The following CDH13 variants were observed in gnomAD, a reference collection of about 807,000 sequenced individuals.
The protein encoded by CDH13 is cadherin-13.
CDH13 carries 24 observed loss-of-function variants against 63.8 expected under a neutral mutation model. The ratio of observed to expected loss-of-function variants is 0.38; its 90% CI spans 0.27 to 0.53. The LOEUF is 0.53. CDH13 is among the 20% of genes least tolerant of loss of function. The pLI is 0.85. For synonymous variants in CDH13, 503 were observed against 355.3 expected (o/e 1.42, Z -4.67); for missense variants, 1,049 against 903.1 (o/e 1.16, Z -2.07).
intron 1 of CDH13, among the ~76,000 whole-genome samples, chr16:82,628,852 C>T (rs989341771): frequency 1.3e-5 from 2 of 152,210 alleles, no homozygotes; most frequent in Admixed American, 6.5e-5. Context: ...GCTAGTGGTA[C>T]CAACCCGGGC....
At chr16:83,643,296 A>G (rs866943726) in intron 8 of CDH13, among the ~76,000 whole-genome samples, 3 of 77,672 alleles carry the variant, frequency 3.9e-5, no homozygotes, top group Non-Finnish European at 7.7e-5. Context: ...AAAAAAAAAA[A>G]AAAAAGAAAA....
intron 13 of CDH13, among the ~76,000 whole-genome samples, chr16:83,790,678 C>G (rs572598995): frequency 4.7e-4 from 71 of 152,320 alleles, no homozygotes; most frequent in South Asian, 1.2e-3. Flanking sequence ...GCTGGGATTA[C>G]AGGCGTGAGC....
At chr16:83,744,999 C>A (rs1912438859) in intron 10 of CDH13, among the ~76,000 whole-genome samples, 1 of 152,166 alleles carries the variant, frequency 6.6e-6, no homozygotes, top group Admixed American at 6.5e-5. Context: ...AGCCAATGAT[C>A]TTGGCAAAGT....
intron 10 of CDH13, among the ~76,000 whole-genome samples, chr16:83,699,200 C>G (rs1905843421): frequency 6.6e-6 from 1 of 152,200 alleles, no homozygotes. Context: ...GAAAGGTGAC[C>G]TAAGCCCCAG....
chr16:83,755,632 A>T (rs1024694635), intron 11 of CDH13, among the ~76,000 whole-genome samples: 17 of 152,184 alleles, frequency 1.1e-4, no homozygotes, highest in African/African-American at 4.1e-4. Flanking sequence ...AAATAATGGA[A>T]TGTGGAAGGC....
intron 3 of CDH13, among the ~76,000 whole-genome samples, chr16:83,102,751 G>C (rs12927946): frequency 0.4 from 61,113 of 151,608 alleles, 12,506 homozygotes; most frequent in Middle Eastern, 0.61. Context: ...TTGGCTTGGA[G>C]CAAGGTGGTG....
intron 1 of CDH13, among the ~76,000 whole-genome samples, chr16:82,842,145 T>TATATATATATATAC (rs2039055767): frequency 1.1e-4 from 3 of 27,594 alleles, no homozygotes; most frequent in African/African-American, 3.5e-4. Flanking sequence ...TATACACATA[T>TATATATATATATAC]ATATATATAT....
At chr16:83,016,697 A>G (rs1914833361) in intron 2 of CDH13, among the ~76,000 whole-genome samples, 1 of 152,100 alleles carries the variant, frequency 6.6e-6, no homozygotes, top group Non-Finnish European at 1.5e-5. Context: ...CTACCCTGCC[A>G]TCTAGAAACA....
chr16:83,475,231 A>G (rs1009408143), intron 6 of CDH13, among the ~76,000 whole-genome samples: 1 of 152,230 alleles, frequency 6.6e-6, no homozygotes, highest in Non-Finnish European at 1.5e-5. Flanking sequence ...CATGAAGTCC[A>G]CCTGCTCTTG....
intron 1 of CDH13, among the ~76,000 whole-genome samples, chr16:82,788,192 C>T (rs1051885958): frequency 1.3e-5 from 2 of 152,114 alleles, no homozygotes; most frequent in African/African-American, 4.8e-5. Context: ...AGGAAAAAAA[C>T]AAAGTGAGGA....
At chr16:83,245,118 C>CA (rs34319502) in intron 5 of CDH13, among the ~76,000 whole-genome samples, 40,489 of 143,820 alleles carry the variant, frequency 0.28, 5,677 homozygotes, top group Non-Finnish European at 0.32. Flanking sequence ...GGATAGTATG[C>CA]AAAAAAAAAA....
chr16:83,151,296 A>C (rs2036969564), intron 4 of CDH13, among the ~76,000 whole-genome samples: 1 of 152,204 alleles, frequency 6.6e-6, no homozygotes, highest in Non-Finnish European at 1.5e-5. Flanking sequence ...GGCATGCTTT[A>C]ATGAAGATTT....
intron 1 of CDH13, among the ~76,000 whole-genome samples, chr16:82,728,782 T>C (rs947980093): frequency 8.5e-5 from 13 of 152,308 alleles, no homozygotes; most frequent in African/African-American, 1.7e-4. Context: ...AAAAATTTTG[T>C]ATAGCATGTG....
At chr16:83,567,411 C>T (rs1904292321) in intron 7 of CDH13, among the ~76,000 whole-genome samples, 2 of 152,180 alleles carry the variant, frequency 1.3e-5, no homozygotes, top group South Asian at 4.1e-4. Flanking sequence ...CAAATATCTG[C>T]ATGTACGAGT....
chr16:82,661,389 A>G (rs1411788394), intron 1 of CDH13, among the ~76,000 whole-genome samples: 1 of 152,210 alleles, frequency 6.6e-6, no homozygotes, highest in Admixed American at 6.5e-5. Context: ...AAATAGACTT[A>G]AATATTGTTT....
intron 2 of CDH13, among the ~76,000 whole-genome samples, chr16:82,864,281 T>C (rs2040045262): frequency 6.6e-6 from 1 of 151,888 alleles, no homozygotes; most frequent in South Asian, 2.1e-4. Flanking sequence ...CAAAAGAGAG[T>C]GAGTGTTTCT....
intron 4 of CDH13, among the ~76,000 whole-genome samples, chr16:83,155,732 C>T (rs1052591508): frequency 1.3e-5 from 2 of 152,174 alleles, no homozygotes; most frequent in Admixed American, 6.5e-5. Flanking sequence ...GAGGAAACAA[C>T]AGACCTCACA....
chr16:83,469,411 G>A (rs1272077951), intron 6 of CDH13, among the ~76,000 whole-genome samples: 3 of 152,144 alleles, frequency 2.0e-5, no homozygotes, highest in Non-Finnish European at 2.9e-5. Flanking sequence ...CAAATAGGTC[G>A]GGGGTCGAGC....
intron 2 of CDH13, among the ~76,000 whole-genome samples, chr16:83,020,299 C>G (rs921137640): frequency 1.3e-5 from 2 of 152,220 alleles, no homozygotes. Context: ...GCATCTGTCA[C>G]ATGAATTCAC....
Sources: gnomAD v4.1 joint callset for allele counts (sites outside exome capture counted in the v4.1 genomes callset) on GRCh38, gnomAD v4.1.1 for gene constraint, MANE v1.5 for transcripts, NCBI Gene and HGNC (gene_info 2026-07-23, HGNC 2026-07-21) for gene names.